SLC35F4: variants seen among roughly 807,000 people sequenced by gnomAD.
SLC35F4 encodes solute carrier family 35 member F4, also known as chromosome 14 open reading frame 36.
In SLC35F4, 24 loss-of-function variants were observed where a neutral mutation model predicts 44.2. That is an observed-to-expected ratio of 0.54 (90% CI 0.39 to 0.76). The LOEUF (loss-of-function observed/expected upper bound fraction) is 0.76. Among genes scored for constraint, SLC35F4 ranks in the 30% least tolerant of loss-of-function variants. SLC35F4 has a pLI of 0.00. For missense variants in SLC35F4, 562 were observed against 586.1 expected (o/e 0.96, Z 0.42); for synonymous variants, 238 against 223.6 (o/e 1.06, Z -0.57).
intron 1 of SLC35F4, among the ~76,000 whole-genome samples, chr14:57,661,787 C>A (rs1344283236): frequency 1.3e-5 from 2 of 152,138 alleles, no homozygotes; most frequent in Non-Finnish European, 2.9e-5. Flanking sequence ...TTGCTTGGCC[C>A]CACTTCCAAA....
chr14:57,789,488 A>G (rs2140793985), intron 1 of SLC35F4, among the ~76,000 whole-genome samples: 1 of 152,320 alleles, frequency 6.6e-6, no homozygotes, highest in East Asian at 1.9e-4. Context: ...AAGTTCTGAA[A>G]TTGAGGCAGT....
At chr14:57,887,618 C>T (rs1888676715) in intron 1 of SLC35F4, among the ~76,000 whole-genome samples, 1 of 152,080 alleles carries the variant, frequency 6.6e-6, no homozygotes, top group South Asian at 2.1e-4. Flanking sequence ...AGGAGTTACA[C>T]AGGGATGAGA....
chr14:57,727,090 C>A (rs530253751), intron 1 of SLC35F4, among the ~76,000 whole-genome samples: 5 of 151,032 alleles, frequency 3.3e-5, no homozygotes, highest in African/African-American at 9.8e-5. Context: ...ACCTTGTGAT[C>A]GTGTGAGTTA....
intron 1 of SLC35F4, among the ~76,000 whole-genome samples, chr14:57,826,407 A>G (rs1883771401): frequency 1.3e-5 from 2 of 152,282 alleles, no homozygotes; most frequent in East Asian, 3.9e-4. Context: ...AACTATAAAA[A>G]CCCTAGAAGA....
At chr14:57,762,556 T>C (rs2077149175) in intron 1 of SLC35F4, among the ~76,000 whole-genome samples, 1 of 152,272 alleles carries the variant, frequency 6.6e-6, no homozygotes, top group East Asian at 1.9e-4. Context: ...TCAAAACTCA[T>C]GTTGAAATTT....
At chr14:57,724,460 T>C (rs1206465689) in intron 1 of SLC35F4, among the ~76,000 whole-genome samples, 1 of 152,228 alleles carries the variant, frequency 6.6e-6, no homozygotes, top group East Asian at 1.9e-4. Flanking sequence ...CCATGTGAAC[T>C]GAACTGCCTA....
At chr14:57,584,645 G>A (rs2069560435) in intron 3 of SLC35F4, among the ~76,000 whole-genome samples, 2 of 152,136 alleles carry the variant, frequency 1.3e-5, no homozygotes, top group East Asian at 1.9e-4. Context: ...ATGCACTATA[G>A]GTAGAGTGCT....
At chr14:57,641,826 C>T (rs544987262) in intron 1 of SLC35F4, among the ~76,000 whole-genome samples, 1 of 151,990 alleles carries the variant, frequency 6.6e-6, no homozygotes, top group African/African-American at 2.4e-5. Flanking sequence ...ATAAGCAACA[C>T]TCACCTGTCT....
At chr14:57,622,674 T>C (rs967548920) in intron 1 of SLC35F4, among the ~76,000 whole-genome samples, 2 of 151,304 alleles carry the variant, frequency 1.3e-5, no homozygotes, top group African/African-American at 4.9e-5. Context: ...TGTTGTGGGG[T>C]TGGGGGAGTG....
At chr14:57,842,712 T>G (rs1885606394) in intron 1 of SLC35F4, among the ~76,000 whole-genome samples, 1 of 152,130 alleles carries the variant, frequency 6.6e-6, no homozygotes, top group Non-Finnish European at 1.5e-5. Flanking sequence ...TCTTTGGACT[T>G]CCCTACACCC....
At chr14:57,710,932 T>C (rs984569261) in intron 1 of SLC35F4, among the ~76,000 whole-genome samples, 1 of 152,162 alleles carries the variant, frequency 6.6e-6, no homozygotes, top group Admixed American at 6.5e-5. Flanking sequence ...TTTGAGTTAA[T>C]GCTGGAATGA....
chr14:57,745,345 G>A (rs2076727104), intron 1 of SLC35F4, among the ~76,000 whole-genome samples: 1 of 152,112 alleles, frequency 6.6e-6, no homozygotes. Flanking sequence ...CTGACAAAGG[G>A]CTAATATCCA....
intron 4 of SLC35F4, among the ~76,000 whole-genome samples, chr14:57,580,062 A>T (rs1040529359): frequency 3.3e-5 from 5 of 152,316 alleles, no homozygotes; most frequent in Admixed American, 6.5e-5. Context: ...ATGTAGTGTC[A>T]CATTTGGATA....
At chr14:57,929,431 C>A (rs953698060) in intron 1 of SLC35F4, among the ~76,000 whole-genome samples, 56 of 152,090 alleles carry the variant, frequency 3.7e-4, no homozygotes, top group African/African-American at 1.4e-3. Context: ...CCTCTTACAG[C>A]ACCTTAGAGC....
At chr14:57,631,652 C>G (rs2072780937) in intron 1 of SLC35F4, among the ~76,000 whole-genome samples, 1 of 151,908 alleles carries the variant, frequency 6.6e-6, no homozygotes, top group Admixed American at 6.6e-5. Context: ...TTTGTGGTAC[C>G]AAGAAATTTA....
At chr14:57,943,293 T>C (rs1335517) in intron 1 of SLC35F4, among the ~76,000 whole-genome samples, 16,445 of 152,272 alleles carry the variant, frequency 0.11, 1,139 homozygotes, top group Non-Finnish European at 0.15. Flanking sequence ...CTGTTGTCTA[T>C]ACAGCTGCTG....
At chr14:57,636,278 TA>T (rs1356652582) in intron 1 of SLC35F4, among the ~76,000 whole-genome samples, 1 of 152,178 alleles carries the variant, frequency 6.6e-6, no homozygotes, top group Non-Finnish European at 1.5e-5. Flanking sequence ...ATTTGATTAC[TA>T]AACATGTAGA....
chr14:57,732,597 C>T (rs983637074), intron 1 of SLC35F4, among the ~76,000 whole-genome samples: 1 of 152,128 alleles, frequency 6.6e-6, no homozygotes, highest in Non-Finnish European at 1.5e-5. Context: ...ATTGTAGTAA[C>T]TGGGCAGATG....
rs183989714 is a variant in SLC35F4, at chr14:57,802,198, A to G, written c.103+63525T>C. On this transcript the variant is annotated intron_variant, in intron 1 of 7. Coordinates refer to ENST00000556826, the MANE Select transcript of SLC35F4 (RefSeq NM_001306087.2). ...AATTCACTCAAAATCACACAACTAC[A>G]TAAAAATTGAACAACCTACTCCTGA... Among the ~76,000 whole-genome samples, 21 of 152,348 alleles carry G rather than the reference A, an allele frequency of 1.4e-4. No individual in the cohort carries two copies. The East Asian group carries it at 4.0e-3, about 29-fold the overall frequency.
Sources: gnomAD v4.1 joint callset for allele counts (sites outside exome capture counted in the v4.1 genomes callset) on GRCh38, gnomAD v4.1.1 for gene constraint, MANE v1.5 for transcripts, NCBI Gene and HGNC (gene_info 2026-07-23, HGNC 2026-07-21) for gene names.